The following CMPK2 variants were observed in gnomAD, a reference collection of about 807,000 sequenced individuals.
CMPK2 encodes the protein cytidine/uridine monophosphate kinase 2.
A neutral mutation model predicts 33.4 loss-of-function variants in CMPK2; 32 were observed. That is an observed-to-expected ratio of 0.96 (90% CI 0.72 to 1.29). The LOEUF (loss-of-function observed/expected upper bound fraction) is 1.29. Among genes scored for constraint, CMPK2 ranks in the 50% most tolerant of loss-of-function variants. The pLI, the probability that CMPK2 is intolerant of heterozygous loss-of-function variation, is 0.00. For synonymous variants in CMPK2, 299 were observed against 275.3 expected (o/e 1.09, Z -0.85); for missense variants, 672 against 616.0 (o/e 1.09, Z -0.96).
At chr2:6,843,615 G>C (rs1458563004), downstream of CMPK2, among the ~76,000 whole-genome samples, 1 of 152,048 alleles carries the variant, frequency 6.6e-6, no homozygotes, top group East Asian at 1.9e-4. Context: ...TCTACTAAGG[G>C]GAGACAAAGA....
intron 3 of CMPK2, among the ~76,000 whole-genome samples, chr2:6,859,727 G>A (rs1464513311): frequency 6.6e-6 from 1 of 152,218 alleles, no homozygotes; most frequent in Non-Finnish European, 1.5e-5. Flanking sequence ...CAGGAGTGGG[G>A]CTCTCATGGA....
chr2:6,865,441 C>G lies in CMPK2; in HGVS notation c.256G>C (p.Gly86Arg), dbSNP rs1257688468. Residue 86 changes from glycine to arginine, a missense_variant, in exon 1 of 5, where the codon GGG (glycine) becomes CGG (arginine). By Grantham distance (125) the Gly-to-Arg change is moderately radical. Transcript: ENST00000256722. ...CVPVTPDAGC[G>R]ARVRAARLHQ... ...AGCCGCGCCGCCCGGACCCGGGCCC[C>G]GCAGCCGGCGTCCGGGGTCACGGGC... 2 of 1,281,720 alleles carry G rather than the reference C, an allele frequency of 1.6e-6. No homozygotes were observed. The highest frequency in any genetic ancestry group is 1.6e-5 in the African/African-American group (1 of 64,202). The allele number at this position is 1,281,720 out of a possible 1,614,324, so 79.4% of individuals were successfully genotyped here. A position where few individuals can be genotyped will look rare whatever the true frequency, so the allele number is the denominator to read the frequency against.
At chr2:6,854,017 T>G (rs1662609356) in intron 3 of CMPK2, among the ~76,000 whole-genome samples, 1 of 152,192 alleles carries the variant, frequency 6.6e-6, no homozygotes, top group Admixed American at 6.5e-5. Flanking sequence ...TGCCAGCTCC[T>G]GTGAATTCTG....
chr2:6,844,766 C>A (rs1662315142), downstream of CMPK2, among the ~76,000 whole-genome samples: 1 of 152,162 alleles, frequency 6.6e-6, no homozygotes, highest in Non-Finnish European at 1.5e-5. Flanking sequence ...AATGTTTCTG[C>A]TTCCTGTTAG....
chr2:6,865,267 G>A lies in CMPK2; in HGVS notation c.430C>T (p.Gln144Ter). Residue 144 changes from glutamine (Q) to a stop codon, truncating the protein, a stop_gained, in exon 1 of 5, where the codon CAA (glutamine) becomes TAA (stop). Transcript: ENST00000256722. LOFTEE classifies it high-confidence loss of function. Reference protein sequence around the residue: ...RDPLDDPDTRQALLELLGACQ... With the variant: ...RDPLDDPDTR ...GCGCCCAGCAGCTCGAGCAGCGCTTGCCGGGTGTCAGGGTCATCCAGGGGG... is the reference window on the plus strand; with the variant it reads ...GCGCCCAGCAGCTCGAGCAGCGCTTACCGGGTGTCAGGGTCATCCAGGGGG... 6.5e-7 allele frequency: 1 copy of A among 1,537,764 alleles called. No homozygotes were observed. Among genetic ancestry groups the A allele is most frequent in the Non-Finnish European group, 8.7e-7 (1 of 1,150,312 alleles).
At position 6,849,907 on chromosome 2, in the gene CMPK2, T is replaced by C. The variant is rs769460002; in HGVS notation, c.1293A>G (p.Arg431=). The C allele has an allele frequency of 6.2e-6, 10 of 1,614,056 alleles. No homozygotes were observed. In the East Asian group the frequency reaches 2.2e-4, roughly 36 times the overall value. Residue 431 remains arginine, a synonymous_variant, in exon 5 of 5, where the codon AGA becomes AGG. Coordinates refer to ENST00000256722, the MANE Select transcript of CMPK2 (RefSeq NM_207315.4). ...TTAATACCGTCTGCAGGACCTTTTC[T>C]CTGGAGGGGCTGGCATCAACCACAT... ...GCHVVDASPS[R]EKVLQTVLSL... is the part of the protein sequence containing the mutation.
chr2:6,853,522 CTG>C (rs1662587147), intron 3 of CMPK2, among the ~76,000 whole-genome samples: 1 of 151,818 alleles, frequency 6.6e-6, no homozygotes. Flanking sequence ...TTAAAAAAAA[CTG>C]TATCACACTG....
chr2:6,849,414 G>A lies in CMPK2; in HGVS notation c.*436C>T. The A allele has an allele frequency of 1.0e-6, 1 of 991,368 alleles. No individual in the cohort carries two copies. Among genetic ancestry groups the A allele is most frequent in the Non-Finnish European group, 1.2e-6 (1 of 834,058 alleles). 61.4% of individuals were successfully genotyped at this position (991,368 alleles called of 1,614,324 possible). ...ATGACGAGTGCAACCAGATGTGGAA[G>A]AAGCCAATGTGGGCATGTCACGATC... On this transcript the variant is annotated 3_prime_UTR_variant, in exon 5 of 5. Coordinates refer to ENST00000256722, the MANE Select transcript of CMPK2 (RefSeq NM_207315.4).
downstream of CMPK2, among the ~76,000 whole-genome samples, chr2:6,844,898 T>C (rs1359598426): frequency 6.6e-6 from 1 of 152,230 alleles, no homozygotes; most frequent in Non-Finnish European, 1.5e-5. Context: ...TGGGAATTCC[T>C]TAAGTGGCAC....
chr2:6,855,167 C>T (rs192180906), intron 3 of CMPK2, among the ~76,000 whole-genome samples: 2 of 150,236 alleles, frequency 1.3e-5, no homozygotes, highest in African/African-American at 4.9e-5. Flanking sequence ...TTTGCACCAA[C>T]CTAATAATTC....
At chr2:6,842,638 T>C (rs1362688649) in intron 3 of CMPK2, among the ~76,000 whole-genome samples, 2 of 152,238 alleles carry the variant, frequency 1.3e-5, no homozygotes, top group Non-Finnish European at 2.9e-5. Flanking sequence ...GGGTTGATGC[T>C]TTAAGTAAAG....
At chr2:6,865,930 G>A (rs1190770745), upstream of CMPK2, 3 of 1,373,162 alleles carry the variant, frequency 2.2e-6, no homozygotes, top group East Asian at 7.3e-5. Context: ...GCCGGCGCTC[G>A]GGAGCAGACG....
At position 6,849,172 on chromosome 2, in the gene CMPK2, G is replaced by T; in HGVS notation, c.*678C>A. ...TTCAGAGAAGGTTGGTATATTTGCA[G>T]TTGGAGCATCTTGGCTTGAATGTCT... On this transcript the variant is annotated 3_prime_UTR_variant, in exon 5 of 5. Transcript: ENST00000256722. The T allele has an allele frequency of 7.1e-6, 7 of 985,372 alleles. No homozygotes were observed. Among genetic ancestry groups the T allele is most frequent in the Non-Finnish European group, 8.4e-6 (7 of 829,854 alleles). 61.0% of individuals were successfully genotyped at this position (985,372 alleles called of 1,614,324 possible).
At chr2:6,845,159 C>A (rs1013579391), downstream of CMPK2, among the ~76,000 whole-genome samples, 1 of 152,086 alleles carries the variant, frequency 6.6e-6, no homozygotes. Flanking sequence ...TACCCTCCTG[C>A]CTACAGAAAA....
At chr2:6,846,797 C>A (rs545489067), downstream of CMPK2, among the ~76,000 whole-genome samples, 3 of 152,246 alleles carry the variant, frequency 2.0e-5, no homozygotes, top group Admixed American at 6.5e-5. Context: ...AGACAAGAAG[C>A]CTCAGAAATG....
At chr2:6,850,571 G>A (rs1474765942) in intron 4 of CMPK2, 1 of 219,374 alleles carries the variant, frequency 4.6e-6, no homozygotes, top group Non-Finnish European at 7.7e-6. Context: ...CCACTTCCTA[G>A]CCAAGTGAAT....
intron 3 of CMPK2, among the ~76,000 whole-genome samples, chr2:6,860,132 T>G (rs1662829367): frequency 6.6e-6 from 1 of 152,244 alleles, no homozygotes; most frequent in Admixed American, 6.5e-5. Context: ...TTCTCTCATT[T>G]GTAATGGCTG....
rs1353875388 is a variant in CMPK2 at position 6,849,677 on chromosome 2, T to C, written c.*173A>G. ...AGGGACCTTTGTGATGACGGGTCCATCAGTCAGAAGAGGGTACGATGGCTG... is the reference window on the plus strand; with the variant it reads ...AGGGACCTTTGTGATGACGGGTCCACCAGTCAGAAGAGGGTACGATGGCTG... On this transcript the variant is annotated 3_prime_UTR_variant, in exon 5 of 5. Coordinates refer to ENST00000256722, the MANE Select transcript of CMPK2 (RefSeq NM_207315.4). 2 of 1,453,034 alleles carry C rather than the reference T, an allele frequency of 1.4e-6. No homozygotes were observed. The highest frequency in any genetic ancestry group is 2.7e-5 in the Admixed American group (1 of 37,112). 90.0% of individuals were successfully genotyped at this position (1,453,034 alleles called of 1,614,324 possible).
chr2:6,865,304 G>GA lies in CMPK2; in HGVS notation c.392dup (p.Leu132ProfsTer8). On this transcript the variant is annotated frameshift_variant, in exon 1 of 5. Transcript: ENST00000256722. LOFTEE classifies it high-confidence loss of function. ...GGTCATCCAGGGGGTCGCGCAGCAG[G>GA]AAGCCTTGCTGTGCGCCGCCGGCCT... 2.6e-6 allele frequency: 4 copies of GA among 1,522,056 alleles called. No homozygotes were observed. The highest frequency in any genetic ancestry group is 3.5e-6 in the Non-Finnish European group (4 of 1,142,828). The allele number at this position is 1,522,056 out of a possible 1,614,324, so 94.3% of individuals were successfully genotyped here.
Sources: allele counts gnomAD v4.1 joint callset (sites outside exome capture counted in the v4.1 genomes callset), GRCh38; gene constraint gnomAD v4.1.1; transcripts MANE v1.5; gene names NCBI Gene and HGNC (gene_info 2026-07-23, HGNC 2026-07-21).